Variants in PTPRO observed in about 807,000 individuals in gnomAD.
PTPRO encodes protein tyrosine phosphatase receptor type O, also known as receptor-type tyrosine-protein phosphatase O.
PTPRO carries 62 observed loss-of-function variants against 145.2 expected under a neutral mutation model. The observed-to-expected ratio is 0.43, with a 90% CI of 0.35 to 0.53. The LOEUF (loss-of-function observed/expected upper bound fraction) is 0.53, where lower values mean the gene tolerates loss of function less well. Ranked by LOEUF, PTPRO falls within the 20% of genes least tolerant of loss-of-function variation. The pLI is 0.01. For synonymous variants in PTPRO, 565 were observed against 514.7 expected (o/e 1.10, Z -1.32); for missense variants, 1,345 against 1,482.7 (o/e 0.91, Z 1.53).
chr12:15,503,746 T>C (rs1245443342), intron 5 of PTPRO, among the ~76,000 whole-genome samples, 162 bp from the exon 6 acceptor site: 1 of 152,210 alleles, frequency 6.6e-6, no homozygotes, highest in Non-Finnish European at 1.5e-5. Flanking sequence ...AACTCTTATT[T>C]ATTATTCTTT....
At chr12:15,351,215 G>A (rs1433994415) in intron 1 of PTPRO, among the ~76,000 whole-genome samples, 8 of 152,092 alleles carry the variant, frequency 5.3e-5, no homozygotes, top group Non-Finnish European at 7.3e-5. Flanking sequence ...AGCAAAAGAT[G>A]CCATGAAACA....
rs376929238 is a variant in PTPRO, at chr12:15,322,834, G to A, written c.75+33G>A. ...AGCTCCTCCACCCCTTTTTCCCAGC[G>A]GTCCGGGCGGCAGCCGCGCTCCGGC... On this transcript the variant is annotated intron_variant, in intron 1 of 26. Transcript: ENST00000281171. This position sits in a 1 kb window ranked among gnomAD's most constrained non-coding sequence, Gnocchi z 6.3. 1.3e-6 allele frequency: 2 copies of A among 1,598,084 alleles called. No homozygotes were observed. The highest frequency in any genetic ancestry group is 2.1e-4 in the Middle Eastern group (1 of 4,670).
At chr12:15,591,344 C>G (rs1432950195) in intron 25 of PTPRO, among the ~76,000 whole-genome samples, 2 of 152,006 alleles carry the variant, frequency 1.3e-5, no homozygotes, top group African/African-American at 4.8e-5. Context: ...GCACTCCAGC[C>G]TGGGCGACAG....
intron 4 of PTPRO, among the ~76,000 whole-genome samples, chr12:15,500,517 T>C (rs1942198722): frequency 6.6e-6 from 1 of 152,180 alleles, no homozygotes; most frequent in African/African-American, 2.4e-5. Flanking sequence ...GCTCAAAAAT[T>C]GGTACTCATA....
At chr12:15,357,203 C>G (rs1938023003) in intron 1 of PTPRO, among the ~76,000 whole-genome samples, 1 of 152,230 alleles carries the variant, frequency 6.6e-6, no homozygotes, top group Non-Finnish European at 1.5e-5. Flanking sequence ...TTATGCCTCT[C>G]CATCTCTAAT....
At chr12:15,509,586 A>G (rs1942394449) in intron 7 of PTPRO, among the ~76,000 whole-genome samples, 1 of 150,860 alleles carries the variant, frequency 6.6e-6, no homozygotes, top group Non-Finnish European at 1.5e-5. Flanking sequence ...AATCCCAGCT[A>G]CTCGGGAAGC....
intron 1 of PTPRO, among the ~76,000 whole-genome samples, chr12:15,384,927 T>C (rs537076864): frequency 6.6e-6 from 1 of 152,330 alleles, no homozygotes; most frequent in East Asian, 1.9e-4. Context: ...CATTATATCC[T>C]TGTCATTTTC....
chr12:15,544,644 G>A (rs1406627411), intron 12 of PTPRO, among the ~76,000 whole-genome samples: 1 of 151,386 alleles, frequency 6.6e-6, no homozygotes, highest in East Asian at 1.9e-4. Flanking sequence ...TTTTAAAAAA[G>A]AAAAGCCTAG....
At chr12:15,591,395 G>C (rs1944550312) in intron 25 of PTPRO, among the ~76,000 whole-genome samples, 1 of 151,798 alleles carries the variant, frequency 6.6e-6, no homozygotes, top group Non-Finnish European at 1.5e-5. Context: ...AAACTTAGTA[G>C]ATTTTAATTA....
intron 1 of PTPRO, among the ~76,000 whole-genome samples, chr12:15,462,035 A>G (rs574681458): frequency 4.1e-4 from 63 of 152,268 alleles, no homozygotes; most frequent in Admixed American, 2.6e-3. Context: ...TGCTATGCTC[A>G]TCTTCTGTCC....
At chr12:15,420,346 A>C (rs1940110128) in intron 1 of PTPRO, among the ~76,000 whole-genome samples, 2 of 151,522 alleles carry the variant, frequency 1.3e-5, no homozygotes, top group African/African-American at 4.9e-5. Context: ...CTCTCATGCC[A>C]GCCACTTCAT....
chr12:15,512,616 A>G (rs993277519), intron 7 of PTPRO, among the ~76,000 whole-genome samples: 1 of 152,344 alleles, frequency 6.6e-6, no homozygotes, highest in African/African-American at 2.4e-5. Context: ...GTTGTATCAT[A>G]TAAAGTGTAT....
chr12:15,392,817 G>T (rs577840325), intron 1 of PTPRO, among the ~76,000 whole-genome samples: 1 of 151,840 alleles, frequency 6.6e-6, no homozygotes, highest in East Asian at 1.9e-4. Context: ...CTCTGTTCAT[G>T]GCCCCATCCT....
At chr12:15,400,036 G>A (rs1939445767) in intron 1 of PTPRO, among the ~76,000 whole-genome samples, 1 of 134,130 alleles carries the variant, frequency 7.5e-6, no homozygotes, top group South Asian at 2.8e-4. Flanking sequence ...GGGTGACAGA[G>A]CAAGACTCTT....
intron 9 of PTPRO, 51 bp from the exon 10 acceptor site, chr12:15,520,150 T>G: frequency 8.1e-7 from 1 of 1,234,540 alleles, no homozygotes. Flanking sequence ...ACTCCAAAAA[T>G]AGTACTTTCT....
chr12:15,350,220 C>T (rs953257452), intron 1 of PTPRO, among the ~76,000 whole-genome samples: 4 of 152,128 alleles, frequency 2.6e-5, no homozygotes, highest in Non-Finnish European at 5.9e-5. Flanking sequence ...GAAAAGATGG[C>T]TCAGCCTAAC....
chr12:15,455,316 C>G (rs573538499), intron 1 of PTPRO, among the ~76,000 whole-genome samples: 24 of 150,174 alleles, frequency 1.6e-4, no homozygotes, highest in African/African-American at 2.8e-4. Context: ...CCTTCCCCCC[C>G]ACACACACAA....
chr12:15,363,163 G>T (rs956382110), intron 1 of PTPRO, among the ~76,000 whole-genome samples: 7 of 152,120 alleles, frequency 4.6e-5, no homozygotes, highest in African/African-American at 1.7e-4. Flanking sequence ...CCAGAGCTTA[G>T]TTTCTACATA....
chr12:15,342,130 T>G (rs142145512), intron 1 of PTPRO, among the ~76,000 whole-genome samples: 161 of 152,348 alleles, frequency 1.1e-3, no homozygotes, highest in African/African-American at 3.1e-3. Context: ...GTACTTTCTT[T>G]TTCTTTTTAT....
Sources: gnomAD v4.1 joint callset for allele counts (sites outside exome capture counted in the v4.1 genomes callset) on GRCh38, gnomAD v4.1.1 for gene constraint, Gnocchi (gnomAD v3.1) non-coding constraint, MANE v1.5 for transcripts, NCBI Gene and HGNC (gene_info 2026-07-23, HGNC 2026-07-21) for gene names.